The following RALGPS1 variants were observed in gnomAD, a reference collection of about 807,000 sequenced individuals.
RALGPS1 encodes the protein ras-specific guanine nucleotide-releasing factor RalGPS1.
RALGPS1 carries 19 observed loss-of-function variants against 78.8 expected under a neutral mutation model. The ratio of observed to expected loss-of-function variants is 0.24; its 90% CI spans 0.17 to 0.35. The LOEUF is 0.35. RALGPS1 is among the 10% of genes least tolerant of loss of function. RALGPS1 has a pLI of 1.00. For missense variants in RALGPS1, 454 were observed against 688.3 expected (o/e 0.66, Z 3.81); for synonymous variants, 228 against 256.3 (o/e 0.89, Z 1.06).
chr9:127,189,904 C>T (rs2060931892), intron 11 of RALGPS1, among the ~76,000 whole-genome samples: 2 of 152,194 alleles, frequency 1.3e-5, no homozygotes, highest in Admixed American at 6.5e-5. Context: ...TCTGGAGGGG[C>T]AGGTGGAGAT....
chr9:127,181,511 G>A (rs2060219991), intron 11 of RALGPS1, among the ~76,000 whole-genome samples: 1 of 152,246 alleles, frequency 6.6e-6, no homozygotes, highest in Non-Finnish European at 1.5e-5. Context: ...TATCCGTATA[G>A]TGCAAGTAGG....
intron 2 of RALGPS1, among the ~76,000 whole-genome samples, chr9:126,963,273 A>G (rs1564317525): frequency 1.3e-5 from 2 of 152,030 alleles, no homozygotes; most frequent in South Asian, 4.2e-4. Flanking sequence ...CCTTTTTGTA[A>G]CTAGAGGAGT....
intron 8 of RALGPS1, among the ~76,000 whole-genome samples, chr9:127,123,666 G>A (rs2056368375): frequency 6.6e-6 from 1 of 152,232 alleles, no homozygotes; most frequent in African/African-American, 2.4e-5. Context: ...AGCCGCATAG[G>A]TGGAGCTCTG....
In RALGPS1 at chr9:127,196,628, C is replaced by T. The variant is rs2061361235; in HGVS notation, c.1192C>T (p.Leu398=). The T allele has an allele frequency of 6.3e-7, 1 of 1,594,768 alleles. No individual in the cohort carries two copies. The highest frequency in any genetic ancestry group is 8.6e-7 in the Non-Finnish European group (1 of 1,169,316). ...CTCTGCTGTCACCAATGGACTCTCC[C>T]TAGGTAAGCGTCTCCGGCCTGCACA... ...SSSAVTNGLS[L]GSSESSEFSE... The change falls in exon 13 of 19, where the codon CTA becomes TTA. Residue 398 remains leucine, a synonymous_variant. Transcript: ENST00000259351.
At position 127,091,461 on chromosome 9, in the gene RALGPS1, T is replaced by C; in HGVS notation, c.610+22105T>C. On this transcript the variant is annotated intron_variant, in intron 8 of 18. Coordinates refer to ENST00000259351, the MANE Select transcript of RALGPS1 (RefSeq NM_014636.3). This position sits in a 1 kb window ranked among gnomAD's most constrained non-coding sequence, Gnocchi z 4.3. ...CCCCATCCCATTTTTTTTTTCTTAA[T>C]TTGTAAATGCCACTGTGACCCAGCT... 6.6e-6 allele frequency among the ~76,000 whole-genome samples: 1 copy of C among 152,164 alleles called. No homozygotes were observed. Among genetic ancestry groups the C allele is most frequent in the East Asian group, 1.9e-4 (1 of 5,196 alleles).
At chr9:127,151,058 C>A (rs1290002036) in intron 8 of RALGPS1, among the ~76,000 whole-genome samples, 1 of 152,058 alleles carries the variant, frequency 6.6e-6, no homozygotes, top group East Asian at 1.9e-4. Flanking sequence ...GTGGCACACG[C>A]CTGTAGTCCC....
intron 4 of RALGPS1, among the ~76,000 whole-genome samples, chr9:127,021,113 G>T (rs745961535): frequency 6.6e-6 from 1 of 152,196 alleles, no homozygotes; most frequent in East Asian, 1.9e-4. Context: ...TTCATTGGAG[G>T]CCAGGCCCAT....
At chr9:127,007,277 GC>G (rs2043922088) in intron 4 of RALGPS1, among the ~76,000 whole-genome samples, 2 of 152,182 alleles carry the variant, frequency 1.3e-5, no homozygotes, top group South Asian at 4.1e-4. Flanking sequence ...TTTGCTTCCA[GC>G]TAGTTGATAC....
At chr9:127,024,036 CAAAAAAAAAA>C (rs61549879) in intron 4 of RALGPS1, among the ~76,000 whole-genome samples, 3 of 71,668 alleles carry the variant, frequency 4.2e-5, no homozygotes, top group Non-Finnish European at 7.5e-5. Context: ...GACTCTGTCT[CAAAAAAAAAA>C]AAAAAAAAAG....
Position 127,061,555 on chromosome 9 carries a change from C to A in RALGPS1, c.484-7675C>A, listed in dbSNP as rs377703799. On this transcript the variant is annotated intron_variant, in intron 7 of 18. Transcript: ENST00000259351. ...CTAGTCTTACGCAAAGCAACACTTA[C>A]CTCCACTTTAGCCAAACTACTGTTT... is the stretch of plus-strand genomic sequence containing the variant. Among the ~76,000 whole-genome samples the A allele has an allele frequency of 6.6e-4, 101 of 152,336 alleles. No individual in the cohort carries two copies. In the South Asian group the frequency reaches 0.02, roughly 30 times the overall value.
Position 127,091,616 on chromosome 9 carries a change from CTGGT to C in RALGPS1, c.610+22263_610+22266del. On this transcript the variant is annotated intron_variant, in intron 8 of 18. Coordinates refer to ENST00000259351, the MANE Select transcript of RALGPS1 (RefSeq NM_014636.3). This position sits in a 1 kb window ranked among gnomAD's most constrained non-coding sequence, Gnocchi z 4.3. ...AGCCCTGGAGTCAGGGGCTCTGGCT[CTGGT>C]TGACCTCTTTTCCCTACCCTGCACC... 1 of 1,577,942 alleles carries C rather than the reference CTGGT, an allele frequency of 6.3e-7. No individual in the cohort carries two copies. The highest frequency in any genetic ancestry group is 1.3e-5 in the African/African-American group (1 of 74,210).
intron 1 of RALGPS1, among the ~76,000 whole-genome samples, chr9:126,938,436 G>A (rs751587287): frequency 6.6e-6 from 1 of 152,124 alleles, no homozygotes; most frequent in Non-Finnish European, 1.5e-5. Flanking sequence ...CACCATTGAC[G>A]TGATCTGTCT....
At chr9:126,929,007 G>T (rs1266776219) in intron 1 of RALGPS1, among the ~76,000 whole-genome samples, 2 of 152,092 alleles carry the variant, frequency 1.3e-5, no homozygotes, top group African/African-American at 4.8e-5. Flanking sequence ...TTATTGCATG[G>T]ATTTGGTGGC....
intron 1 of RALGPS1, among the ~76,000 whole-genome samples, chr9:126,948,068 T>C (rs899529370): frequency 2.0e-5 from 3 of 152,194 alleles, no homozygotes; most frequent in Non-Finnish European, 4.4e-5. Context: ...TCTGTGTGGG[T>C]GTGTGCATTA....
intron 8 of RALGPS1, among the ~76,000 whole-genome samples, chr9:127,095,111 T>G (rs1181337499): frequency 6.6e-6 from 1 of 152,190 alleles, no homozygotes; most frequent in Non-Finnish European, 1.5e-5. Flanking sequence ...AAAATATTCC[T>G]CATAGGGCCG....
chr9:127,105,932 T>C (rs1169095815), intron 8 of RALGPS1, among the ~76,000 whole-genome samples: 1 of 152,232 alleles, frequency 6.6e-6, no homozygotes, highest in East Asian at 1.9e-4. Context: ...CATGCTTGAT[T>C]GTATTGTATC....
chr9:127,080,669 C>T (rs182003112), intron 8 of RALGPS1, among the ~76,000 whole-genome samples: 137 of 152,314 alleles, frequency 9.0e-4, no homozygotes, highest in Non-Finnish European at 1.4e-3. Context: ...TGGATATCGC[C>T]TGGATGAGTG....
At chr9:126,997,386 G>A (rs1444693586) in intron 4 of RALGPS1, among the ~76,000 whole-genome samples, 1 of 152,070 alleles carries the variant, frequency 6.6e-6, no homozygotes, top group Admixed American at 6.6e-5. Context: ...ACCAATAACA[G>A]AGAACCAAAT....
At chr9:127,115,409 G>T (rs1394661931) in intron 8 of RALGPS1, among the ~76,000 whole-genome samples, 1 of 152,138 alleles carries the variant, frequency 6.6e-6, no homozygotes, top group Admixed American at 6.5e-5. Context: ...GCGGTCTTAT[G>T]TAGTTATTAA....
Sources: allele counts gnomAD v4.1 joint callset (sites outside exome capture counted in the v4.1 genomes callset), GRCh38; gene constraint gnomAD v4.1.1; non-coding constraint Gnocchi (gnomAD v3.1); transcripts MANE v1.5; gene names NCBI Gene and HGNC (gene_info 2026-07-23, HGNC 2026-07-21).